Variants in CAMTA1 observed in about 807,000 individuals in gnomAD.
The protein encoded by CAMTA1 is calmodulin binding transcription activator 1, also known as calmodulin-binding transcription activator 1.
A neutral mutation model predicts 170.9 loss-of-function variants in CAMTA1; 27 were observed. The observed-to-expected ratio is 0.16, with a 90% CI of 0.12 to 0.22. The LOEUF (loss-of-function observed/expected upper bound fraction) is 0.22. Among genes scored for constraint, CAMTA1 ranks in the 10% least tolerant of loss-of-function variants. The pLI is 1.00. For synonymous variants in CAMTA1, 833 were observed against 891.5 expected (o/e 0.93, Z 1.17); for missense variants, 1,619 against 2,217.2 (o/e 0.73, Z 5.42).
chr1:6,813,306 A>G (rs888309148), intron 1 of CAMTA1, among the ~76,000 whole-genome samples: 1 of 152,128 alleles, frequency 6.6e-6, no homozygotes, highest in African/African-American at 2.4e-5. Context: ...TCTCTGAAAC[A>G]TGTCTTTTGA....
intron 3 of CAMTA1, among the ~76,000 whole-genome samples, chr1:7,082,042 T>A (rs1640082335): frequency 6.6e-6 from 1 of 152,194 alleles, no homozygotes; most frequent in Non-Finnish European, 1.5e-5. Context: ...CCCACTCCCA[T>A]GGCCTTAGTG....
intron 5 of CAMTA1, among the ~76,000 whole-genome samples, chr1:7,417,941 A>C (rs1238146999): frequency 6.6e-6 from 1 of 152,150 alleles, no homozygotes; most frequent in Non-Finnish European, 1.5e-5. Flanking sequence ...GCTTTTCGCC[A>C]TGATTTTAAA....
intron 6 of CAMTA1, among the ~76,000 whole-genome samples, chr1:7,501,004 A>C (rs868337071): frequency 7.9e-5 from 12 of 152,106 alleles, no homozygotes; most frequent in Admixed American, 7.2e-4. Context: ...GGTCTGCAGG[A>C]CCAAAGCTGC....
At chr1:6,992,160 C>T (rs915610682) in intron 3 of CAMTA1, among the ~76,000 whole-genome samples, 4 of 152,204 alleles carry the variant, frequency 2.6e-5, no homozygotes, top group African/African-American at 9.6e-5. Flanking sequence ...GCCCTGACAC[C>T]TGGGGCTCAA....
At chr1:7,646,666 G>A (rs1441173076) in intron 7 of CAMTA1, among the ~76,000 whole-genome samples, 7 of 150,828 alleles carry the variant, frequency 4.6e-5, no homozygotes, top group African/African-American at 1.7e-4. Flanking sequence ...GGTGACTGAG[G>A]GTGGAGGCCA....
intron 3 of CAMTA1, among the ~76,000 whole-genome samples, chr1:6,975,987 C>T (rs1693355294): frequency 6.6e-6 from 1 of 152,218 alleles, no homozygotes; most frequent in African/African-American, 2.4e-5. Context: ...GTACTCCCTT[C>T]CTTTCCGCTG....
At position 7,532,816 on chromosome 1, in the gene CAMTA1, GA is replaced by G. The variant is rs766622701; in HGVS notation, c.510+64918del. ...AGAAGAAAGAAAGGGAAGGAACACA[GA>G]AAGAGAAACAGGCCAGCAGGGCCCC... On this transcript the variant is annotated intron_variant, in intron 6 of 22. Transcript: ENST00000303635. This position sits in a 1 kb window ranked among gnomAD's most constrained non-coding sequence, Gnocchi z 4.2. 3.9e-5 allele frequency among the ~76,000 whole-genome samples: 6 copies of G among 152,210 alleles called. No individual in the cohort carries two copies. Among genetic ancestry groups the G allele is most frequent in the Non-Finnish European group, 8.8e-5 (6 of 68,034 alleles).
Position 7,664,892 on chromosome 1 carries a change from C to T in CAMTA1, c.2345C>T (p.Ser782Phe). The change falls in exon 9 of 23, where the codon TCC becomes TTC. Residue 782 changes from serine to phenylalanine, a missense_variant. Ser to Phe is a radical substitution (Grantham distance 155). This residue lies in a region of CAMTA1 where 731 missense variants were observed against 907.6 expected (regional missense o/e 0.81). Transcript: ENST00000303635. ...QFSDLINDFI[S>F]VEGGSSTIYG... ...TCCGACCTGATCAACGACTTCATCT[C>T]CGTGGAGGGGGGCAGCAGCACCATC... The T allele has an allele frequency of 1.2e-6, 2 of 1,613,280 alleles. No individual in the cohort carries two copies. The highest frequency in any genetic ancestry group is 2.2e-5 in the East Asian group (1 of 44,866).
At chr1:7,647,712 G>C (rs925210338) in intron 7 of CAMTA1, among the ~76,000 whole-genome samples, 1 of 152,184 alleles carries the variant, frequency 6.6e-6, no homozygotes. Flanking sequence ...GGCTGGGGAC[G>C]GCGGGCTGGG....
Position 7,249,728 on chromosome 1 carries a change from A to C in CAMTA1, c.438+102A>C, listed in dbSNP as rs959329229. 3 of 1,391,188 alleles carry C rather than the reference A, an allele frequency of 2.2e-6. No homozygotes were observed. In the African/African-American group the frequency reaches 4.4e-5, roughly 20 times the overall value. The allele number at this position is 1,391,188 out of a possible 1,614,324, so 86.2% of individuals were successfully genotyped here. A position where few individuals can be genotyped will look rare whatever the true frequency, so the allele number is the denominator to read the frequency against. Reference sequence around the variant, plus strand: ...AATTTGATGCGAGTCACCTCTGTCCAAAGAATTTTTGTTTGCCAAGACCCT... The same window carrying C: ...AATTTGATGCGAGTCACCTCTGTCCCAAGAATTTTTGTTTGCCAAGACCCT... On this transcript the variant is annotated intron_variant, in intron 5 of 22. Coordinates refer to ENST00000303635, the MANE Select transcript of CAMTA1 (RefSeq NM_015215.4). The surrounding 1 kb of genome is among the most constrained non-coding windows in gnomAD (Gnocchi z 4.4).
intron 4 of CAMTA1, among the ~76,000 whole-genome samples, chr1:7,207,283 A>G (rs1177582256): frequency 6.6e-6 from 1 of 152,316 alleles, no homozygotes; most frequent in South Asian, 2.1e-4. Flanking sequence ...ACATGTTTAC[A>G]TTAGGTGATA....
rs72853834 is a variant in CAMTA1 at position 7,694,001 on chromosome 1, C to A, written c.2914+16268C>A. On this transcript the variant is annotated intron_variant, in intron 11 of 22. Transcript: ENST00000303635. ...CTGTGACACAAGGATCCCAGGCAAA[C>A]AAACTCCAATCAGGCATGATATTCC... 1,330 of 152,390 alleles carry A rather than the reference C, an allele frequency of 8.7e-3. 18 individuals are homozygous for A. The highest frequency in any genetic ancestry group is 0.031 in the African/African-American group (1,281 of 41,572). 9.4% of individuals were successfully genotyped at this position (152,390 alleles called of 1,614,324 possible).
Position 7,745,012 on chromosome 1 carries a change from G to C in CAMTA1, c.4360G>C (p.Ala1454Pro), listed in dbSNP as rs1322505279. Residue 1454 changes from alanine (A) to proline (P), a missense_variant, in exon 17 of 23, where the codon GCC becomes CCC. Around this residue, in one of 8 missense-constraint regions of CAMTA1, gnomAD observed 370 missense variants for 429.4 expected, o/e 0.86. Transcript: ENST00000303635. ...GGATGCTGACTGCCTTCCCAGTGCT[G>C]CCCAGATCCGGTGAGTAAAGTTACG... is the stretch of plus-strand genomic sequence containing the variant. ...LADADCLPSAAQIRSAYNEPL... is the reference protein window; with the variant it reads ...LADADCLPSAPQIRSAYNEPL... 6.2e-7 allele frequency: 1 copy of C among 1,612,010 alleles called. No individual in the cohort carries two copies.
At chr1:7,427,977 G>T (rs933101789) in intron 5 of CAMTA1, among the ~76,000 whole-genome samples, 25 of 152,158 alleles carry the variant, frequency 1.6e-4, no homozygotes, top group African/African-American at 5.8e-4. Context: ...AGCAGACCTG[G>T]CAAGGGAGGC....
chr1:6,929,554 G>A (rs989638988), intron 3 of CAMTA1, among the ~76,000 whole-genome samples: 49 of 152,282 alleles, frequency 3.2e-4, no homozygotes, highest in African/African-American at 1.0e-3. Context: ...TGGTAGAGAC[G>A]GGGTTTCACC....
intron 6 of CAMTA1, among the ~76,000 whole-genome samples, chr1:7,540,794 T>G (rs1341978960): frequency 6.6e-6 from 1 of 152,148 alleles, no homozygotes; most frequent in Non-Finnish European, 1.5e-5. Flanking sequence ...TCAAGAAAAC[T>G]ATTGCCAAAA....
At chr1:6,888,142 C>T in intron 3 of CAMTA1, 3 of 986,618 alleles carry the variant, frequency 3.0e-6, no homozygotes, top group Non-Finnish European at 3.7e-6. Context: ...CCCCTTGTAT[C>T]TTCAGTGCAT....
chr1:6,852,224 C>A (rs1418647997), intron 3 of CAMTA1, among the ~76,000 whole-genome samples: 1 of 152,038 alleles, frequency 6.6e-6, no homozygotes. Flanking sequence ...TTCTTTAGAT[C>A]AACAAAAATG....
At chr1:6,909,398 C>T (rs1468804286) in intron 3 of CAMTA1, among the ~76,000 whole-genome samples, 4 of 152,338 alleles carry the variant, frequency 2.6e-5, no homozygotes, top group Non-Finnish European at 5.9e-5. Context: ...GTGCTTCTGG[C>T]ATCACGAGGG....
Sources: allele counts gnomAD v4.1 joint callset (sites outside exome capture counted in the v4.1 genomes callset), GRCh38; gene constraint gnomAD v4.1.1; regional missense constraint gnomAD v4.1.1; non-coding constraint Gnocchi (gnomAD v3.1); transcripts MANE v1.5; gene names NCBI Gene and HGNC (gene_info 2026-07-23, HGNC 2026-07-21).